UNC13C: variants seen among roughly 807,000 people sequenced by gnomAD.
UNC13C encodes the protein protein unc-13 homolog C.
In UNC13C, 174 loss-of-function variants were observed where a neutral mutation model predicts 245.4. That is an observed-to-expected ratio of 0.71 (90% CI 0.63 to 0.80). UNC13C has a LOEUF of 0.80. Ranked by LOEUF, UNC13C falls within the 30% of genes least tolerant of loss-of-function variation. The pLI, the probability that UNC13C is intolerant of heterozygous loss-of-function variation, is 0.00. For missense variants in UNC13C, 2,829 were observed against 2,602.9 expected (o/e 1.09, Z -1.89); for synonymous variants, 992 against 895.1 (o/e 1.11, Z -1.93).
At chr15:54,432,255 C>A (rs1182802402) in intron 19 of UNC13C, among the ~76,000 whole-genome samples, 3 of 151,398 alleles carry the variant, frequency 2.0e-5, no homozygotes, top group Non-Finnish European at 4.4e-5. Context: ...TAAGTAAGAG[C>A]GACTGTGATA....
At chr15:54,088,359 T>C (rs1012107663) in intron 2 of UNC13C, among the ~76,000 whole-genome samples, 1 of 152,036 alleles carries the variant, frequency 6.6e-6, no homozygotes, top group African/African-American at 2.4e-5. Flanking sequence ...CTTGGCCTCT[T>C]AGGAAAAGTT....
chr15:53,979,027 C>A (rs1893816018), intron 1 of UNC13C, among the ~76,000 whole-genome samples, 100 bp downstream of exon 1: 1 of 152,114 alleles, frequency 6.6e-6, no homozygotes, highest in Admixed American at 6.5e-5. Flanking sequence ...GAAATCACAA[C>A]CATGGGGTTC....
chr15:53,966,734 C>T, the UNC13C span, among the ~76,000 whole-genome samples: 4 of 151,642 alleles, frequency 2.6e-5, no homozygotes, highest in Admixed American at 6.6e-5. Context: ...CTCAGGCATG[C>T]GGTATGCCCT....
chr15:54,595,535 C>A (rs1360518805), intron 30 of UNC13C, among the ~76,000 whole-genome samples: 1 of 152,192 alleles, frequency 6.6e-6, no homozygotes, highest in African/African-American at 2.4e-5. Context: ...CAGTGCAAGC[C>A]TCCACAGGCT....
chr15:54,350,670 A>G (rs557877131), intron 17 of UNC13C, among the ~76,000 whole-genome samples: 5 of 152,318 alleles, frequency 3.3e-5, no homozygotes, highest in African/African-American at 1.2e-4. Flanking sequence ...CTCAGATTTA[A>G]TGTTGACTCT....
chr15:54,015,922 G>T, intron 2 of UNC13C, 36 bp downstream of exon 2: 8 of 1,480,748 alleles, frequency 5.4e-6, no homozygotes, highest in Non-Finnish European at 7.2e-6. Flanking sequence ...TGAGCTAATT[G>T]TGTTTTAACA....
chr15:54,624,038 G>C, intron 32 of UNC13C, 84 bp downstream of exon 32: 1 of 1,524,390 alleles, frequency 6.6e-7, no homozygotes, highest in East Asian at 2.3e-5. Context: ...GAGTGTGAAG[G>C]GCTAAGGAAA....
intron 9 of UNC13C, among the ~76,000 whole-genome samples, 196 bp from the exon 10 acceptor site, chr15:54,265,159 C>T (rs978902194): frequency 6.6e-5 from 10 of 151,654 alleles, no homozygotes; most frequent in Non-Finnish European, 1.3e-4. Context: ...AAGACAAGGG[C>T]AAAAATTACA....
chr15:54,041,257 C>A (rs542827558), intron 2 of UNC13C, among the ~76,000 whole-genome samples: 1 of 152,106 alleles, frequency 6.6e-6, no homozygotes, highest in African/African-American at 2.4e-5. Flanking sequence ...CCTTAAATAT[C>A]ATTTTAATTG....
intron 19 of UNC13C, among the ~76,000 whole-genome samples, chr15:54,452,878 A>G (rs1173395230): frequency 2.6e-5 from 4 of 152,098 alleles, no homozygotes; most frequent in African/African-American, 9.7e-5. Flanking sequence ...TTCTGGGAAA[A>G]TAGAGTTGCT....
At chr15:53,987,315 G>A (rs1421417076) in intron 1 of UNC13C, among the ~76,000 whole-genome samples, 2 of 151,992 alleles carry the variant, frequency 1.3e-5, no homozygotes, top group Non-Finnish European at 2.9e-5. Flanking sequence ...TATTGGGAAA[G>A]TAAGTTAACC....
chr15:54,006,406 T>A (rs1432476328), intron 1 of UNC13C, among the ~76,000 whole-genome samples: 1 of 152,182 alleles, frequency 6.6e-6, no homozygotes, highest in Non-Finnish European at 1.5e-5. Context: ...TAGCTTAGGA[T>A]AAACCTTTTA....
chr15:53,966,125 T>A, the UNC13C span, among the ~76,000 whole-genome samples: 2 of 152,192 alleles, frequency 1.3e-5, no homozygotes, highest in East Asian at 3.9e-4. Flanking sequence ...TTCATAAAAG[T>A]CTCATATTCT....
intron 2 of UNC13C, among the ~76,000 whole-genome samples, chr15:54,117,114 T>A (rs1391220536): frequency 6.6e-6 from 1 of 152,076 alleles, no homozygotes; most frequent in African/African-American, 2.4e-5. Flanking sequence ...TTCCGATTAG[T>A]TTTTGTTGTT....
the UNC13C span, among the ~76,000 whole-genome samples, chr15:53,862,997 T>G: frequency 1.3e-5 from 2 of 152,170 alleles, no homozygotes. Context: ...AAGTCTCATC[T>G]AAATATCACC....
chr15:53,943,506 T>G, the UNC13C span, among the ~76,000 whole-genome samples: 1 of 152,186 alleles, frequency 6.6e-6, no homozygotes, highest in East Asian at 1.9e-4. Context: ...AGGGATTGAT[T>G]TGAAGCCATA....
chr15:54,557,556 C>G (rs1406469553), intron 29 of UNC13C, among the ~76,000 whole-genome samples: 1 of 151,624 alleles, frequency 6.6e-6, no homozygotes, highest in Non-Finnish European at 1.5e-5. Context: ...ACTCCAAGAA[C>G]TAAAGATTCA....
Position 54,488,232 on chromosome 15 carries a change from AGAACCAACGTTTCCTGGT to A in UNC13C, c.4934-6373_4934-6356del, listed in dbSNP as rs1480434468. On this transcript the variant is annotated intron_variant, in intron 19 of 32. Transcript: ENST00000260323. ...TATCTATCATAGTCTGTCATAGTTT[AGAACCAACGTTTCCTGGT>A]GATAAAATTTTGTGTTTGTGAGCAC... Among the ~76,000 whole-genome samples, 7 of 152,316 alleles carry A rather than the reference AGAACCAACGTTTCCTGGT, an allele frequency of 4.6e-5. No homozygotes were observed. In the East Asian group the frequency reaches 1.4e-3, roughly 29 times the overall value.
At chr15:54,323,158 G>A (rs1012559775) in intron 14 of UNC13C, among the ~76,000 whole-genome samples, 2 of 151,888 alleles carry the variant, frequency 1.3e-5, no homozygotes, top group Non-Finnish European at 2.9e-5. Context: ...TTTGAGTTAT[G>A]TGTCATAGAA....
Sources: allele counts gnomAD v4.1 joint callset (sites outside exome capture counted in the v4.1 genomes callset), GRCh38; gene constraint gnomAD v4.1.1; transcripts MANE v1.5; gene names NCBI Gene and HGNC (gene_info 2026-07-23, HGNC 2026-07-21).